SHROOM3: variants seen among roughly 807,000 people sequenced by gnomAD.
SHROOM3 encodes the protein shroom family member 3, also known as protein Shroom3.
SHROOM3 carries 47 observed loss-of-function variants against 138.6 expected under a neutral mutation model. That is an observed-to-expected ratio of 0.34 (90% CI 0.27 to 0.43). The LOEUF (loss-of-function observed/expected upper bound fraction) is 0.43. Among genes scored for constraint, SHROOM3 ranks in the 20% least tolerant of loss-of-function variants. SHROOM3 has a pLI of 1.00. For missense variants in SHROOM3, 2,491 were observed against 2,596.5 expected (o/e 0.96, Z 0.88); for synonymous variants, 1,062 against 1,063.3 (o/e 1.00, Z 0.02).
intron 3 of SHROOM3, among the ~76,000 whole-genome samples, chr4:76,726,063 C>A (rs1720693412): frequency 6.6e-6 from 1 of 152,130 alleles, no homozygotes; most frequent in African/African-American, 2.4e-5. Flanking sequence ...CACCTTTAGC[C>A]CCATCCTAAA....
intron 1 of SHROOM3, among the ~76,000 whole-genome samples, chr4:76,470,095 T>C (rs1221912545): frequency 6.6e-6 from 1 of 152,202 alleles, no homozygotes; most frequent in Non-Finnish European, 1.5e-5. Flanking sequence ...ATTAACTCAC[T>C]GATTTCTTAC....
intron 2 of SHROOM3, among the ~76,000 whole-genome samples, chr4:76,592,157 T>G (rs1370003162): frequency 6.6e-6 from 1 of 152,088 alleles, no homozygotes; most frequent in Non-Finnish European, 1.5e-5. Context: ...TAGGGAGCAT[T>G]GCTGACAGAG....
rs111806276 is a variant in SHROOM3 at position 76,525,076 on chromosome 4, A to G, written c.169-30533A>G. ...AATGTATGAGAGATCAAGTTTCTCC[A>G]TATCTTGCTAGCATTTGGTATTTGT... is the stretch of plus-strand genomic sequence containing the variant. On this transcript the variant is annotated intron_variant, in intron 1 of 10. Transcript: ENST00000296043. Among the ~76,000 whole-genome samples, 359 of 152,308 alleles carry G rather than the reference A, an allele frequency of 2.4e-3. 2 individuals carry two copies. Among genetic ancestry groups the G allele is most frequent in the African/African-American group, 8.2e-3 (340 of 41,564 alleles).
chr4:76,559,738 C>A (rs932811526), intron 2 of SHROOM3, among the ~76,000 whole-genome samples: 2 of 151,956 alleles, frequency 1.3e-5, no homozygotes, highest in African/African-American at 4.8e-5. Context: ...TACCCAGTGA[C>A]CAAAAACAAT....
intron 1 of SHROOM3, among the ~76,000 whole-genome samples, chr4:76,506,183 A>G (rs1732207244): frequency 6.6e-6 from 1 of 150,764 alleles, no homozygotes; most frequent in Non-Finnish European, 1.5e-5. Flanking sequence ...ACGAGAACAC[A>G]TGGACACGGG....
intron 1 of SHROOM3, among the ~76,000 whole-genome samples, chr4:76,454,498 T>C (rs1730988109): frequency 6.6e-6 from 1 of 152,230 alleles, no homozygotes; most frequent in Non-Finnish European, 1.5e-5. Context: ...CTGGACTCTC[T>C]CTATTCTATT....
intron 2 of SHROOM3, among the ~76,000 whole-genome samples, chr4:76,677,846 G>C (rs1190887955): frequency 6.6e-6 from 1 of 152,168 alleles, no homozygotes; most frequent in East Asian, 1.9e-4. Flanking sequence ...ACAGTTTCCT[G>C]AACACCTACG....
intron 1 of SHROOM3, among the ~76,000 whole-genome samples, chr4:76,528,548 C>CTTTTTTTTTTT (rs35121750): frequency 6.4e-5 from 8 of 125,028 alleles, no homozygotes; most frequent in East Asian, 2.3e-4. Context: ...TTCTTTCTTT[C>CTTTTTTTTTTT]TTTTTTTTTT....
In SHROOM3 at chr4:76,746,781, C is replaced by CATTATT. The variant is rs199823641; in HGVS notation, c.3754-2190_3754-2185dup. Among the ~76,000 whole-genome samples the CATTATT allele has an allele frequency of 1.4e-3, 200 of 140,586 alleles. 1 individual carries two copies. The highest frequency in any genetic ancestry group is 1.9e-3 in the South Asian group (8 of 4,274). 92.2% of individuals were successfully genotyped at this position (140,586 alleles called of 152,430 possible). On this transcript the variant is annotated intron_variant, in intron 5 of 10. Transcript: ENST00000296043. ...TGAGATTCAGTAGACTTTAGATTTA[C>CATTATT]ATTATTATTATTATTATTATTATTA... is the stretch of plus-strand genomic sequence containing the variant.
intron 1 of SHROOM3, among the ~76,000 whole-genome samples, chr4:76,441,792 G>T (rs1730696908): frequency 6.6e-6 from 1 of 151,980 alleles, no homozygotes; most frequent in Non-Finnish European, 1.5e-5. Context: ...GCACGATCTC[G>T]GCTCACTGCA....
chr4:76,706,372 G>A (rs1257300636), intron 2 of SHROOM3, among the ~76,000 whole-genome samples: 1 of 152,070 alleles, frequency 6.6e-6, no homozygotes, highest in Non-Finnish European at 1.5e-5. Flanking sequence ...CTCGGCCTCC[G>A]AAAGTGCTGG....
At chr4:76,588,529 G>A (rs1734196434) in intron 2 of SHROOM3, among the ~76,000 whole-genome samples, 1 of 152,060 alleles carries the variant, frequency 6.6e-6, no homozygotes. Flanking sequence ...GCTCTGCTTG[G>A]AAGGTTCAGC....
At position 76,741,463 on chromosome 4, in the gene SHROOM3, G is replaced by A. The variant is rs1721253543; in HGVS notation, c.3290G>A (p.Arg1097Gln). Reference protein sequence around the residue: ...ADYIQRKTGKRPTSAAGCSLQ... With the variant: ...ADYIQRKTGKQPTSAAGCSLQ... ...TACATCCAGCGCAAGACCGGCAAGCGGCCTACCTCCGCCGCCGGCTGCAGC... is the reference window on the plus strand; with the variant it reads ...TACATCCAGCGCAAGACCGGCAAGCAGCCTACCTCCGCCGCCGGCTGCAGC... Residue 1097 changes from arginine to glutamine, a missense_variant, in exon 5 of 11, where the codon CGG (arginine) becomes CAG (glutamine). Physicochemically the swap from Arg to Gln is conservative, Grantham distance 43. Coordinates refer to ENST00000296043, the MANE Select transcript of SHROOM3 (RefSeq NM_020859.4). This position sits in a 1 kb window ranked among gnomAD's most constrained non-coding sequence, Gnocchi z 6.2. 1 of 1,572,028 alleles carries A rather than the reference G, an allele frequency of 6.4e-7. No individual in the cohort carries two copies. The highest frequency in any genetic ancestry group is 8.6e-7 in the Non-Finnish European group (1 of 1,161,750).
intron 1 of SHROOM3, among the ~76,000 whole-genome samples, chr4:76,485,487 G>A (rs1184141295): frequency 1.3e-5 from 2 of 152,178 alleles, no homozygotes; most frequent in Non-Finnish European, 2.9e-5. Flanking sequence ...CATATGATAT[G>A]TTCATTCACC....
chr4:76,663,686 C>T (rs567919229), intron 2 of SHROOM3, among the ~76,000 whole-genome samples: 8 of 152,240 alleles, frequency 5.3e-5, no homozygotes, highest in African/African-American at 7.2e-5. Flanking sequence ...CACACTGCTG[C>T]GCACAGCTTT....
intron 2 of SHROOM3, among the ~76,000 whole-genome samples, chr4:76,626,198 G>A (rs752109174): frequency 2.0e-5 from 3 of 152,048 alleles, no homozygotes; most frequent in Admixed American, 6.5e-5. Flanking sequence ...TTCAACGCTG[G>A]GAAATCAAAA....
At chr4:76,672,813 C>T (rs968850090) in intron 2 of SHROOM3, among the ~76,000 whole-genome samples, 17 of 152,092 alleles carry the variant, frequency 1.1e-4, no homozygotes, top group Admixed American at 1.0e-3. Context: ...CCTCGTGATC[C>T]GCCTGCCTCG....
intron 3 of SHROOM3, among the ~76,000 whole-genome samples, chr4:76,724,633 A>G (rs1274459593): frequency 1.3e-5 from 2 of 152,220 alleles, no homozygotes; most frequent in Non-Finnish European, 2.9e-5. Context: ...TGTCCTTCCA[A>G]AACTACTCTT....
chr4:76,625,786 G>T (rs1325584927), intron 2 of SHROOM3, among the ~76,000 whole-genome samples: 1 of 152,104 alleles, frequency 6.6e-6, no homozygotes, highest in Non-Finnish European at 1.5e-5. Flanking sequence ...TCATGTCTTT[G>T]TCTACCCCTA....
Sources: allele counts gnomAD v4.1 joint callset (sites outside exome capture counted in the v4.1 genomes callset), GRCh38; gene constraint gnomAD v4.1.1; non-coding constraint Gnocchi (gnomAD v3.1); transcripts MANE v1.5; gene names NCBI Gene and HGNC (gene_info 2026-07-23, HGNC 2026-07-21).